TTN: variants seen among roughly 807,000 people sequenced by gnomAD.
The protein encoded by TTN is titin, also known as connectin.
A neutral mutation model predicts 3,223.0 loss-of-function variants in TTN; 1,525 were observed. The ratio of observed to expected loss-of-function variants is 0.47; its 90% CI spans 0.45 to 0.49. TTN has a LOEUF of 0.49. TTN is among the 20% of genes least tolerant of loss of function. TTN has a pLI of 0.00. For synonymous variants in TTN, 14,094 were observed against 15,161.0 expected (o/e 0.93, Z 5.17); for missense variants, 40,786 against 43,424.0 (o/e 0.94, Z 5.40).
At position 178,578,598 on chromosome 2, in the gene TTN, A is replaced by G; in HGVS notation, c.68329+13T>C. 1.9e-6 allele frequency: 3 copies of G among 1,594,792 alleles called. No individual in the cohort carries two copies. Among genetic ancestry groups the G allele is most frequent in the Non-Finnish European group, 2.6e-6 (3 of 1,165,470 alleles). On this transcript the variant is annotated intron_variant, in intron 321 of 362. Transcript: ENST00000589042. ...TTGATGTAAAAGCTGTAGGATAAGAACAAACAAAATACCTGTAATTGGAGA... is the reference window on the plus strand; with the variant it reads ...TTGATGTAAAAGCTGTAGGATAAGAGCAAACAAAATACCTGTAATTGGAGA...
Position 178,732,095 on chromosome 2 carries a change from T to A in TTN, c.16874A>T (p.Asp5625Val), listed in dbSNP as rs746590786. 2.9e-5 allele frequency: 46 copies of A among 1,611,780 alleles called. No homozygotes were observed. Among genetic ancestry groups the A allele is most frequent in the Non-Finnish European group, 3.9e-5 (46 of 1,178,468 alleles). ...GACTATTACAATGCTACTGCAGTGG[T>A]CACTGCCAGCCTCATTTTGGGCCTC... ...MCEAQNEAGS[D>V]HCSSIVIVKE... Residue 5625 changes from aspartate (D) to valine (V), a missense_variant, in exon 57 of 363, where the codon GAC becomes GTC. Physicochemically the swap from Asp to Val is radical, Grantham distance 152. Transcript: ENST00000589042.
Position 178,774,035 on chromosome 2 carries a change from T to C in TTN, c.7133A>G (p.Lys2378Arg), listed in dbSNP as rs727503690. The C allele has an allele frequency of 2.5e-6, 4 of 1,614,052 alleles. No individual in the cohort carries two copies. In the South Asian group the frequency reaches 4.4e-5, roughly 18 times the overall value. ...CEGDIVQLEV[K>R]VSLESVEGVW... Reference sequence around the variant, plus strand: ...GCCTTCCACACTTTCCAAGGAGACTTTAACTTCAAGCTGAACAATGTCACC... The same window carrying C: ...GCCTTCCACACTTTCCAAGGAGACTCTAACTTCAAGCTGAACAATGTCACC... The change falls in exon 31 of 363, where the codon AAA becomes AGA. Residue 2378 changes from lysine (K) to arginine (R), a missense_variant. Transcript: ENST00000589042.
At position 178,706,580 on chromosome 2, in the gene TTN, T is replaced by C; in HGVS notation, c.29294A>G (p.Asp9765Gly). The change falls in exon 102 of 363, where the codon GAT (aspartate) becomes GGT (glycine). Residue 9765 changes from aspartate to glycine, a missense_variant. By Grantham distance (94) the Asp-to-Gly change is moderately conservative (BLOSUM62 -1). Coordinates refer to ENST00000589042, the MANE Select transcript of TTN (RefSeq NM_001267550.2). Reference protein sequence around the residue: ...KLEIRDTTKTDSGLYRCVAFN... With the variant: ...KLEIRDTTKTGSGLYRCVAFN... ...TGCCACGCATCGGTATAACCCAGAA[T>C]CAGTTTTTGTGGTGTCCCTAATCTC... is the stretch of plus-strand genomic sequence containing the variant. 6.2e-7 allele frequency: 1 copy of C among 1,613,948 alleles called. No individual in the cohort carries two copies. Among genetic ancestry groups the C allele is most frequent in the African/African-American group, 1.3e-5 (1 of 75,060 alleles).
At chr2:178,528,143 C>T in intron 361 of TTN, 131 bp downstream of exon 361, 1 of 1,027,196 alleles carries the variant, frequency 9.7e-7, no homozygotes, top group South Asian at 1.9e-5. Context: ...AATGAATTCA[C>T]ATCAGTTGGC....
In TTN at chr2:178,601,090, T is replaced by G; in HGVS notation, c.55814A>C (p.Asn18605Thr). The G allele has an allele frequency of 6.2e-7, 1 of 1,605,830 alleles. No individual in the cohort carries two copies. Among genetic ancestry groups the G allele is most frequent in the Non-Finnish European group, 8.5e-7 (1 of 1,175,640 alleles). Residue 18605 changes from asparagine to threonine, a missense_variant, in exon 288 of 363, where the codon AAT becomes ACT. Asn to Thr is a moderately conservative substitution (Grantham distance 65). Coordinates refer to ENST00000589042, the MANE Select transcript of TTN (RefSeq NM_001267550.2). ...GTGGGTAACAGGGGAGCCCCCATCA[T>G]TCTTCGGGGGTTTCCATGACAGATG... ...TVHLSWKPPK[N>T]DGGSPVTHYI...
chr2:178,534,842 C>T lies in TTN; in HGVS notation c.101773G>A (p.Glu33925Lys), dbSNP rs780205747. 5 of 1,609,370 alleles carry T rather than the reference C, an allele frequency of 3.1e-6. No individual in the cohort carries two copies. The Admixed American group carries it at 6.7e-5, about 21-fold the overall frequency. Residue 33925 changes from glutamate (E) to lysine (K), a missense_variant, in exon 358 of 363, where the codon GAA (glutamate) becomes AAA (lysine). By Grantham distance (56) the Glu-to-Lys change is moderately conservative. Transcript: ENST00000589042. The part of the protein sequence containing the change: ...EIVSYVHQVC[E>K]ALQFLHSHNI... The stretch of plus-strand genomic sequence containing the variant: ...TGACTGTGTAAAAACTGAAGTGCTT[C>T]ACAGACCTGGTGAACATAACTTACA...
intron 41 of TTN, 117 bp from the exon 42 acceptor site, chr2:178,764,928 A>G: frequency 8.3e-7 from 1 of 1,205,090 alleles, no homozygotes. Flanking sequence ...AAATTTTGGA[A>G]TTGTGGTATT....
In TTN at chr2:178,608,187, C is replaced by A; in HGVS notation, c.52696G>T (p.Asp17566Tyr). ...SPPSDPKTAH[D>Y]PISPPGPPIP... ...TTAAGGAACTACTTACAGATTGGAT[C>A]ATGTGCTGTTTTGGGATCTGAAGGT... Residue 17566 changes from aspartate to tyrosine, a missense_variant, in exon 275 of 363, where the codon GAT becomes TAT. Transcript: ENST00000589042. The A allele has an allele frequency of 6.2e-7, 1 of 1,602,122 alleles. No individual in the cohort carries two copies. Among genetic ancestry groups the A allele is most frequent in the Admixed American group, 1.7e-5 (1 of 58,544 alleles).
intron 255 of TTN, 33 bp downstream of exon 255, chr2:178,617,087 A>G: frequency 6.2e-7 from 1 of 1,610,776 alleles, no homozygotes; most frequent in East Asian, 2.2e-5. Flanking sequence ...GCTATGTGCT[A>G]TTCCCCGATC....
intron 49 of TTN, 39 bp downstream of exon 49, chr2:178,738,038 TATGAA>T (rs762804608): frequency 5.7e-6 from 9 of 1,583,858 alleles, no homozygotes; most frequent in Non-Finnish European, 7.7e-6. Context: ...AGGACAACAA[TATGAA>T]ATGAAGTGAC....
At chr2:178,581,106 A>G (rs1027981287) in intron 316 of TTN, among the ~76,000 whole-genome samples, 2 of 152,090 alleles carry the variant, frequency 1.3e-5, no homozygotes, top group African/African-American at 4.8e-5. Flanking sequence ...AAGGGAAATT[A>G]AGATGGAGAG....
chr2:178,670,405 C>A (rs2066776407), intron 156 of TTN, 110 bp from the exon 157 acceptor site: 1 of 491,242 alleles, frequency 2.0e-6, no homozygotes, highest in Non-Finnish European at 3.4e-6. Flanking sequence ...ATATAAAATG[C>A]AGACAACACT....
rs774375991 is a variant in TTN at position 178,590,438 on chromosome 2, T to C, written c.61287A>G (p.Gln20429=). 6.8e-6 allele frequency: 11 copies of C among 1,612,794 alleles called. No homozygotes were observed. In the East Asian group the frequency reaches 1.3e-4, roughly 20 times the overall value. ...TTAGTCCAGGTACCCTAAAGGCACA[T>C]TGCCTAATGAGTTCATCTTTATTAA... is the stretch of plus-strand genomic sequence containing the variant. The part of the protein sequence containing the change: ...NRINKDELIR[Q]CAFRVPGLIE... Residue 20429 remains glutamine, a synonymous_variant, in exon 304 of 363, where the codon CAA becomes CAG. Transcript: ENST00000589042.
Position 178,598,932 on chromosome 2 carries a change from G to T in TTN, c.56778C>A (p.Thr18926=), listed in dbSNP as rs1400002436. The T allele has an allele frequency of 5.6e-6, 9 of 1,612,788 alleles. No individual in the cohort carries two copies. Among genetic ancestry groups the T allele is most frequent in the Non-Finnish European group, 7.6e-6 (9 of 1,179,476 alleles). Residue 18926 remains threonine, a synonymous_variant, in exon 291 of 363, where the codon ACC becomes ACA. Coordinates refer to ENST00000589042, the MANE Select transcript of TTN (RefSeq NM_001267550.2). ...TAACTCTCTTCCATCTCTTTGAAGT[G>T]GTGTCTTTCATTTCCAGCCAGTACC... The part of the protein sequence containing the change: ...VTGYWLEMKD[T]TSKRWKRVNR...
rs757710470 is a variant in TTN, at chr2:178,732,885, C to G, written c.16291G>C (p.Ala5431Pro). The change falls in exon 55 of 363, where the codon GCC (alanine) becomes CCC (proline). Residue 5431 changes from alanine to proline, a missense_variant. Ala to Pro is a conservative substitution (Grantham distance 27). Transcript: ENST00000589042. ...MNDAGNFTCR[A>P]TNSVGSKDSS... ...TCTTTGCTTCCCACGGAATTTGTGG[C>G]TCGACAAGTGAAATTCCCTGCATCA... The G allele has an allele frequency of 1.4e-5, 23 of 1,613,248 alleles. No homozygotes were observed. The South Asian group carries it at 2.4e-4, about 17-fold the overall frequency.
In TTN at chr2:178,674,306, G is replaced by A. The variant is rs762808097; in HGVS notation, c.34708+8C>T. 7.2e-6 allele frequency: 11 copies of A among 1,531,784 alleles called. No individual in the cohort carries two copies. The highest frequency in any genetic ancestry group is 1.7e-4 in the Middle Eastern group (1 of 5,952). The allele number at this position is 1,531,784 out of a possible 1,614,324, so 94.9% of individuals were successfully genotyped here. A position where few individuals can be genotyped will look rare whatever the true frequency, so the allele number is the denominator to read the frequency against. The stretch of plus-strand genomic sequence containing the variant: ...TTTTAAATGTTCAATCCTTAAAAGC[G>A]GTTATACCTCTAGGTGGTGCCACCT... On this transcript the variant is annotated splice_region_variant and intron_variant, in intron 151 of 362. Transcript: ENST00000589042.
chr2:178,566,841 T>A lies in TTN; in HGVS notation c.79291A>T (p.Ile26431Phe). 1.2e-6 allele frequency: 2 copies of A among 1,613,494 alleles called. No homozygotes were observed. Among genetic ancestry groups the A allele is most frequent in the Non-Finnish European group, 1.7e-6 (2 of 1,179,660 alleles). The change falls in exon 326 of 363, where the codon ATT (isoleucine) becomes TTT (phenylalanine). Residue 26431 changes from isoleucine (I) to phenylalanine (F), a missense_variant. Ile to Phe is a conservative substitution (Grantham distance 21). Transcript: ENST00000589042. ...CGTTTATTACATTTTATCCATCGAA[T>A]GCCACTTCTGTCTCTTTTCTCTACA... ...YIVEKRDRSG[I>F]RWIKCNKRRI...
intron 128 of TTN, 43 bp downstream of exon 128, chr2:178,685,475 A>G (rs1216636765): frequency 3.8e-6 from 6 of 1,566,862 alleles, no homozygotes; most frequent in Non-Finnish European, 5.2e-6. Context: ...AAAGAAGGAG[A>G]CAAGCTAACA....
rs574614034 is a variant in TTN at position 178,575,289 on chromosome 2, C to T, written c.70843G>A (p.Ala23615Thr). The change falls in exon 326 of 363, where the codon GCC (alanine) becomes ACC (threonine). Residue 23615 changes from alanine (A) to threonine (T), a missense_variant. Transcript: ENST00000589042. This position sits in a 1 kb window ranked among gnomAD's most constrained non-coding sequence, Gnocchi z 4.0. Reference protein sequence around the residue: ...VMAVNSAGRSAPRESRPVIVK... With the variant: ...VMAVNSAGRSTPRESRPVIVK... The stretch of plus-strand genomic sequence containing the variant: ...ATGACGGGTCTGCTTTCTCTAGGGG[C>T]ACTTCTCCCCGCGCTGTTCACTGCC... 4 of 1,613,206 alleles carry T rather than the reference C, an allele frequency of 2.5e-6. No individual in the cohort carries two copies. Among genetic ancestry groups the T allele is most frequent in the South Asian group, 1.1e-5 (1 of 91,052 alleles).
Sources: allele counts gnomAD v4.1 joint callset (sites outside exome capture counted in the v4.1 genomes callset), GRCh38; gene constraint gnomAD v4.1.1; non-coding constraint Gnocchi (gnomAD v3.1); transcripts MANE v1.5; gene names NCBI Gene and HGNC (gene_info 2026-07-23, HGNC 2026-07-21).